The following EP400 variants were observed in gnomAD, a reference collection of about 807,000 sequenced individuals.
The protein encoded by EP400 is E1A-binding protein p400.
EP400 carries 105 observed loss-of-function variants against 354.1 expected under a neutral mutation model. That is an observed-to-expected ratio of 0.30 (90% CI 0.25 to 0.35). The LOEUF (loss-of-function observed/expected upper bound fraction) is 0.35, where lower values mean the gene tolerates loss of function less well. Among genes scored for constraint, EP400 ranks in the 10% least tolerant of loss-of-function variants. EP400 has a pLI of 1.00. For synonymous variants in EP400, 1,646 were observed against 1,716.9 expected (o/e 0.96, Z 1.02); for missense variants, 3,280 against 4,121.0 (o/e 0.80, Z 5.59).
At chr12:131,996,295 C>CT (rs575217796) in intron 12 of EP400, among the ~76,000 whole-genome samples, 1,771 of 128,182 alleles carry the variant, frequency 0.014, 37 homozygotes, top group African/African-American at 0.031. Context: ...GGAAGGAACT[C>CT]TTTTTTTTTT....
chr12:131,953,802 TACAC>T (rs920616246), intron 1 of EP400, among the ~76,000 whole-genome samples: 12 of 152,202 alleles, frequency 7.9e-5, no homozygotes, highest in Non-Finnish European at 1.8e-4. Flanking sequence ...ATTTCAAAGA[TACAC>T]AGAGATTGAA....
intron 7 of EP400, among the ~76,000 whole-genome samples, chr12:131,988,540 C>T (rs549830378): frequency 6.6e-6 from 1 of 152,336 alleles, no homozygotes; most frequent in Non-Finnish European, 1.5e-5. Context: ...GCCCTTCCTC[C>T]TGGGCTTCTA....
chr12:131,976,568 C>T (rs769118980), intron 2 of EP400, among the ~76,000 whole-genome samples: 7 of 151,964 alleles, frequency 4.6e-5, no homozygotes, highest in East Asian at 3.9e-4. Context: ...AAAAATTAGC[C>T]GGGCATGGTG....
intron 2 of EP400, 44 bp downstream of exon 2, chr12:131,961,998 G>T: frequency 6.4e-7 from 1 of 1,562,182 alleles, no homozygotes; most frequent in South Asian, 1.2e-5. Context: ...TCTTCTAGAT[G>T]ATCAGAGTCT....
chr12:132,021,172 A>T lies in EP400; in HGVS notation c.4541A>T (p.His1514Leu), dbSNP rs1894110233. The change falls in exon 23 of 53, where the codon CAT becomes CTT. Residue 1514 changes from histidine (H) to leucine (L), a missense_variant. Around this residue, in one of 20 missense-constraint regions of EP400, gnomAD observed 342 missense variants for 342.7 expected, o/e 1.00. Transcript: ENST00000389561. ...SASSTAASPA[H>L]PAKLRAQTTA... ...TCCAGCACAGCCGCTAGCCCGGCCC[A>T]TCCTGCGAAACTGCGGGCCCAGACC... 8.7e-6 allele frequency: 14 copies of T among 1,601,028 alleles called. No homozygotes were observed. The highest frequency in any genetic ancestry group is 1.2e-5 in the Non-Finnish European group (14 of 1,179,726).
At chr12:132,031,039 T>G (rs1163408627) in intron 29 of EP400, among the ~76,000 whole-genome samples, 1 of 151,516 alleles carries the variant, frequency 6.6e-6, no homozygotes, top group African/African-American at 2.4e-5. Flanking sequence ...AAAGGTGATT[T>G]AACAAGTTTT....
At chr12:132,007,607 C>T (rs78667940) in intron 15 of EP400, among the ~76,000 whole-genome samples, 6,944 of 152,288 alleles carry the variant, frequency 0.046, 181 homozygotes, top group African/African-American at 0.071. Context: ...TGACTTGTGT[C>T]TCTAACACAG....
At chr12:132,023,605 A>T (rs1894200081) in intron 23 of EP400, among the ~76,000 whole-genome samples, 172 bp from the exon 24 acceptor site, 1 of 152,136 alleles carries the variant, frequency 6.6e-6, no homozygotes, top group South Asian at 2.1e-4. Context: ...TTCTCTTTTT[A>T]ATTAAAATAA....
chr12:132,018,495 G>A lies in EP400; in HGVS notation c.4277+119G>A, dbSNP rs1593350457. 1.5e-6 allele frequency: 2 copies of A among 1,367,760 alleles called. No individual in the cohort carries two copies. The highest frequency in any genetic ancestry group is 5.0e-5 in the East Asian group (2 of 40,348). 84.7% of individuals were successfully genotyped at this position (1,367,760 alleles called of 1,614,324 possible). On this transcript the variant is annotated intron_variant, in intron 21 of 52. Transcript: ENST00000389561. This position sits in a 1 kb window ranked among gnomAD's most constrained non-coding sequence, Gnocchi z 4.0. ...GTAGTTAGGTTATCTGCTGCTCTTG[G>A]GACCTTGCTGGTGTCCTTGGCTGTG...
Position 132,053,012 on chromosome 12 carries a change from C to T in EP400, c.7395-134C>T, listed in dbSNP as rs1593376145. On this transcript the variant is annotated intron_variant, in intron 41 of 52. Transcript: ENST00000389561. ...TCGATCTCCTGCAGGGCACATTGGGCACCTTGCTTTACGCCCTCATCTCTT... is the reference window on the plus strand; with the variant it reads ...TCGATCTCCTGCAGGGCACATTGGGTACCTTGCTTTACGCCCTCATCTCTT... 1.0e-5 allele frequency: 9 copies of T among 865,826 alleles called. No homozygotes were observed. In the East Asian group the frequency reaches 1.5e-4, roughly 14 times the overall value. 53.6% of individuals were successfully genotyped at this position (865,826 alleles called of 1,614,324 possible).
At position 132,053,536 on chromosome 12, in the gene EP400, C is replaced by T; in HGVS notation, c.7667C>T (p.Pro2556Leu). ...CCACAGCCCCAGACCCAGCCACAGCCTGTGCAGGCCCCAGCGAAGGCGCAG... is the reference window on the plus strand; with the variant it reads ...CCACAGCCCCAGACCCAGCCACAGCTTGTGCAGGCCCCAGCGAAGGCGCAG... ...PQPQPQTQPQ[P>L]VQAPAKAQPA... The change falls in exon 43 of 53, where the codon CCT becomes CTT. Residue 2556 changes from proline (P) to leucine (L), a missense_variant. Pro to Leu is a moderately conservative substitution (Grantham distance 98). Coordinates refer to ENST00000389561, the MANE Select transcript of EP400 (RefSeq NM_015409.5). The T allele has an allele frequency of 1.3e-6, 2 of 1,553,492 alleles. No homozygotes were observed. Among genetic ancestry groups the T allele is most frequent in the East Asian group, 2.4e-5 (1 of 42,148 alleles).
Position 131,990,801 on chromosome 12 carries a change from GCTTC to G in EP400, c.2629+89_2629+92del. 1 of 948,508 alleles carries G rather than the reference GCTTC, an allele frequency of 1.1e-6. No individual in the cohort carries two copies. Among genetic ancestry groups the G allele is most frequent in the Non-Finnish European group, 1.6e-6 (1 of 608,512 alleles). The allele number at this position is 948,508 out of a possible 1,614,324, so 58.8% of individuals were successfully genotyped here. A position where few individuals can be genotyped will look rare whatever the true frequency, so the allele number is the denominator to read the frequency against. The stretch of plus-strand genomic sequence containing the variant: ...CAGCAGGCAGTCTCCTGGCGCTGTG[GCTTC>G]CCACAGAGGACATCTGCTCATCAGC... On this transcript the variant is annotated intron_variant, in intron 9 of 52. Coordinates refer to ENST00000389561, the MANE Select transcript of EP400 (RefSeq NM_015409.5). This position sits in a 1 kb window ranked among gnomAD's most constrained non-coding sequence, Gnocchi z 4.2.
chr12:131,977,771 A>G (rs1047630786), intron 2 of EP400, among the ~76,000 whole-genome samples: 7 of 151,866 alleles, frequency 4.6e-5, no homozygotes, highest in Admixed American at 3.3e-4. Flanking sequence ...CCTTCCTGCT[A>G]CATATGCTGT....
At position 132,043,358 on chromosome 12, in the gene EP400, G is replaced by C. The variant is rs148271415; in HGVS notation, c.6262G>C (p.Gly2088Arg). 1.6e-4 allele frequency: 256 copies of C among 1,614,094 alleles called. No individual in the cohort carries two copies. The highest frequency in any genetic ancestry group is 7.7e-4 in the African/African-American group (58 of 75,034). Residue 2088 changes from glycine to arginine, a missense_variant, in exon 33 of 53, where the codon GGG becomes CGG. Transcript: ENST00000389561. ...EEDAQKSAQE[G>R]VLGPHTDALS... ...GGATGCCCAGAAGTCCGCACAGGAG[G>C]GGGTGCTGGGACCACACACTGATGC...
chr12:132,045,612 C>A (rs765315558), intron 38 of EP400, 52 bp downstream of exon 38: 9 of 1,606,742 alleles, frequency 5.6e-6, no homozygotes, highest in African/African-American at 2.7e-5. Flanking sequence ...ATTTTTCTAA[C>A]GCACGTCCGT....
Position 132,077,819 on chromosome 12 carries a change from T to A in EP400, c.*146T>A. ...AAACAAAATAGTGTAATCATTTTAT[T>A]AAAATGCATCCCACACTGCAGGACA... On this transcript the variant is annotated 3_prime_UTR_variant, in exon 53 of 53. Coordinates refer to ENST00000389561, the MANE Select transcript of EP400 (RefSeq NM_015409.5). 1 of 1,056,612 alleles carries A rather than the reference T, an allele frequency of 9.5e-7. No homozygotes were observed. The highest frequency in any genetic ancestry group is 1.3e-6 in the Non-Finnish European group (1 of 755,162). 65.5% of individuals were successfully genotyped at this position (1,056,612 alleles called of 1,614,324 possible).
chr12:131,990,849 A>G lies in EP400; in HGVS notation c.2629+135A>G, dbSNP rs2136503840. 3.0e-6 allele frequency: 2 copies of G among 671,072 alleles called. No individual in the cohort carries two copies. The highest frequency in any genetic ancestry group is 5.2e-6 in the Non-Finnish European group (2 of 383,294). 41.6% of individuals were successfully genotyped at this position (671,072 alleles called of 1,614,324 possible). On this transcript the variant is annotated intron_variant, in intron 9 of 52. Transcript: ENST00000389561. The surrounding 1 kb of genome is among the most constrained non-coding windows in gnomAD (Gnocchi z 4.2). The stretch of plus-strand genomic sequence containing the variant: ...CATCAGCCAGCTGCCTGATTGTTAC[A>G]TTTCTCTTTGTGTGGCCATCCTAGT...
chr12:132,054,230 A>C lies in EP400; in HGVS notation c.7728+633A>C, dbSNP rs1006523114. Among the ~76,000 whole-genome samples the C allele has an allele frequency of 4.6e-5, 7 of 152,366 alleles. No individual in the cohort carries two copies. In the East Asian group the frequency reaches 1.2e-3, roughly 25 times the overall value. On this transcript the variant is annotated intron_variant, in intron 43 of 52. Transcript: ENST00000389561. The surrounding 1 kb of genome is among the most constrained non-coding windows in gnomAD (Gnocchi z 4.0). ...GCTGTGCCAAATTGGGGAAACCCAC[A>C]CTTTGGACTACCAGGCAGGCATAAA...
At chr12:131,997,020 T>G (rs1220979092) in intron 12 of EP400, among the ~76,000 whole-genome samples, 3 of 152,194 alleles carry the variant, frequency 2.0e-5, no homozygotes, top group African/African-American at 7.2e-5. Flanking sequence ...ACTGCAACTT[T>G]AAGTGAAATG....
Sources: allele counts gnomAD v4.1 joint callset (sites outside exome capture counted in the v4.1 genomes callset), GRCh38; gene constraint gnomAD v4.1.1; regional missense constraint gnomAD v4.1.1; non-coding constraint Gnocchi (gnomAD v3.1); transcripts MANE v1.5; gene names NCBI Gene and HGNC (gene_info 2026-07-23, HGNC 2026-07-21).